Variants in COL4A5 observed in about 807,000 individuals in gnomAD.
COL4A5 encodes collagen type IV alpha 5 chain, also known as collagen alpha-5(IV) chain.
COL4A5 carries 26 observed loss-of-function variants against 130.2 expected under a neutral mutation model. The ratio of observed to expected loss-of-function variants is 0.20; its 90% CI spans 0.15 to 0.28. COL4A5 has a LOEUF of 0.28. Ranked by LOEUF, COL4A5 falls within the 10% of genes least tolerant of loss-of-function variation. COL4A5 has a pLI of 1.00. For missense variants in COL4A5, 1,131 were observed against 1,344.3 expected (o/e 0.84, Z 2.48); for synonymous variants, 496 against 439.6 (o/e 1.13, Z -1.60).
chrX:108,539,319 AG>A lies in COL4A5; in HGVS notation c.82-424del, dbSNP rs1484304888. 8.9e-5 allele frequency among the ~76,000 whole-genome samples: 10 copies of A among 111,959 alleles called. No individual in the cohort carries two copies. The Admixed American group carries it at 9.5e-4, about 11-fold the overall frequency. ...CACTCATGCATTAATGAAGAGGTAA[AG>A]GGTAGTGATAACCCCAAATGGCTGT... is the stretch of plus-strand genomic sequence containing the variant. On this transcript the variant is annotated intron_variant, in intron 1 of 52. Transcript: ENST00000328300.
chrX:108,465,605 C>G (rs762991453), intron 1 of COL4A5, among the ~76,000 whole-genome samples: 5 of 111,644 alleles, frequency 4.5e-5, no homozygotes, highest in African/African-American at 6.5e-5. Context: ...TTTTATGAAG[C>G]GCAGCTTATC....
At chrX:108,539,869 A>AT (rs1351148545) in intron 2 of COL4A5, 64 bp downstream of exon 2, 14 of 939,456 alleles carry the variant, frequency 1.5e-5, no homozygotes, top group Admixed American at 4.4e-5. Flanking sequence ...TTTAATAAAT[A>AT]TTTTTTTAAA....
chrX:108,597,850 A>G (rs888922778), intron 24 of COL4A5, among the ~76,000 whole-genome samples: 5 of 111,494 alleles, frequency 4.5e-5, no homozygotes, highest in African/African-American at 1.3e-4. Context: ...ATGAGACAGT[A>G]TAAGGTTCCC....
intron 1 of COL4A5, among the ~76,000 whole-genome samples, chrX:108,445,601 C>G (rs775398924): frequency 8.1e-5 from 9 of 111,678 alleles, no homozygotes; most frequent in Non-Finnish European, 1.5e-4. Flanking sequence ...CTGATTGTAC[C>G]TTTCTTTGAA....
chrX:108,661,672 T>A (rs769479095), intron 37 of COL4A5, among the ~76,000 whole-genome samples: 81 of 111,559 alleles, frequency 7.3e-4, no homozygotes, highest in African/African-American at 2.5e-3. Flanking sequence ...ATATGGATAG[T>A]ATGGTATAAA....
intron 29 of COL4A5, among the ~76,000 whole-genome samples, chrX:108,611,920 A>G (rs185924170): frequency 9.0e-6 from 1 of 111,576 alleles, no homozygotes; most frequent in East Asian, 2.8e-4. Flanking sequence ...TGGCAAGTCA[A>G]ATCTAGCAAT....
intron 1 of COL4A5, among the ~76,000 whole-genome samples, chrX:108,470,364 A>G (rs2064754520): frequency 8.9e-6 from 1 of 111,970 alleles, no homozygotes; most frequent in Non-Finnish European, 1.9e-5. Flanking sequence ...ATGGTATATC[A>G]TTGTGGTTTT....
At chrX:108,682,854 A>C (rs2068462142) in intron 47 of COL4A5, among the ~76,000 whole-genome samples, 1 of 111,572 alleles carries the variant, frequency 9.0e-6, no homozygotes, top group African/African-American at 3.3e-5. Context: ...TGCCTGTTCA[A>C]ACTGATGATA....
chrX:108,568,730 T>C, intron 5 of COL4A5, 29 bp from the exon 6 acceptor site: 2 of 1,205,880 alleles, frequency 1.7e-6, no homozygotes, highest in Non-Finnish European at 2.2e-6. Flanking sequence ...CTAAGACATA[T>C]TATACATGTG....
rs769511512 is a variant in COL4A5, at chrX:108,687,810, G to A, written c.4528+116G>A. The A allele has an allele frequency of 1.9e-4, 119 of 624,378 alleles. No homozygotes were observed. In the African/African-American group the frequency reaches 2.4e-3, roughly 13 times the overall value. 51.5% of individuals were successfully genotyped at this position (624,378 alleles called of 1,213,427 possible). A position where few individuals can be genotyped will look rare whatever the true frequency, so the allele number is the denominator to read the frequency against. ...CTCTCTCTATTCTTTTGGGGCTTCC[G>A]AATTGAAAACCATGTCAAAGGCAAC... On this transcript the variant is annotated intron_variant, in intron 49 of 52. Coordinates refer to ENST00000328300, the MANE Select transcript of COL4A5 (RefSeq NM_033380.3).
At chrX:108,661,825 C>T (rs745398426) in intron 37 of COL4A5, among the ~76,000 whole-genome samples, 1 of 111,113 alleles carries the variant, frequency 9.0e-6, no homozygotes, top group African/African-American at 3.3e-5. Flanking sequence ...CTTTGTCTTA[C>T]GTGTATCCCT....
At chrX:108,677,841 A>G (rs900481681) in intron 44 of COL4A5, among the ~76,000 whole-genome samples, 10 of 112,207 alleles carry the variant, frequency 8.9e-5, no homozygotes, top group Non-Finnish European at 1.9e-4. Flanking sequence ...TCCTGAAAAG[A>G]TACTTCACCT....
chrX:108,606,788 T>G lies in COL4A5; in HGVS notation c.2291T>G (p.Leu764Arg). 8.3e-7 allele frequency: 1 copy of G among 1,211,351 alleles called. No homozygotes were observed. The highest frequency in any genetic ancestry group is 1.1e-6 in the Non-Finnish European group (1 of 895,064). The change falls in exon 29 of 53, where the codon CTT (leucine) becomes CGT (arginine). Residue 764 changes from leucine (L) to arginine (R), a missense_variant. Physicochemically the swap from Leu to Arg is moderately radical, Grantham distance 102. Transcript: ENST00000328300. ...ALPGPPGPPG[L>R]PGFKGALGPK... ...CCTGGGCCACCTGGGCCACCAGGAC[T>G]TCCAGGTTTCAAAGGAGCACTTGGT...
In COL4A5 at chrX:108,507,725, G is replaced by A. The variant is rs186475946; in HGVS notation, c.82-32021G>A. Among the ~76,000 whole-genome samples, 25 of 111,485 alleles carry A rather than the reference G, an allele frequency of 2.2e-4. No individual in the cohort carries two copies. In the East Asian group the frequency reaches 5.9e-3, roughly 27 times the overall value. ...GGGGAGGCTGAGGCAGGAGAATGGCGTGAACCTGGGAGGTAGAGCTTGCAG... is the reference window on the plus strand; with the variant it reads ...GGGGAGGCTGAGGCAGGAGAATGGCATGAACCTGGGAGGTAGAGCTTGCAG... On this transcript the variant is annotated intron_variant, in intron 1 of 52. Transcript: ENST00000328300.
Position 108,620,253 on chromosome X carries a change from A to T in COL4A5, c.2510-6A>T. ...TACTTATTAATATTGATATTGTATT[A>T]ACTAGGTTTACATGGAATACCAGGA... On this transcript the variant is annotated splice_polypyrimidine_tract_variant and splice_region_variant and intron_variant, in intron 30 of 52. Coordinates refer to ENST00000328300, the MANE Select transcript of COL4A5 (RefSeq NM_033380.3). 8.4e-7 allele frequency: 1 copy of T among 1,194,461 alleles called. No individual in the cohort carries two copies. The highest frequency in any genetic ancestry group is 1.1e-6 in the Non-Finnish European group (1 of 880,734).
chrX:108,568,414 A>G (rs112300643), intron 4 of COL4A5, among the ~76,000 whole-genome samples: 1 of 111,907 alleles, frequency 8.9e-6, no homozygotes, highest in African/African-American at 3.2e-5. Flanking sequence ...GCTCCCTCAA[A>G]TTGAAGTTTC....
chrX:108,513,986 A>G (rs2065201320), intron 1 of COL4A5, among the ~76,000 whole-genome samples: 2 of 112,009 alleles, frequency 1.8e-5, no homozygotes, highest in South Asian at 3.7e-4. Flanking sequence ...GATATCCAGT[A>G]TTCCAGTACC....
intron 46 of COL4A5, among the ~76,000 whole-genome samples, chrX:108,681,548 C>T (rs1276461255): frequency 1.8e-5 from 2 of 111,578 alleles, no homozygotes; most frequent in African/African-American, 6.5e-5. Context: ...AGATGATATG[C>T]TTAATTTTTA....
In COL4A5 at chrX:108,598,839, G is replaced by A; in HGVS notation, c.1917G>A (p.Val639=). The A allele has an allele frequency of 8.3e-7, 1 of 1,211,417 alleles. No individual in the cohort carries two copies. Among genetic ancestry groups the A allele is most frequent in the Non-Finnish European group, 1.1e-6 (1 of 895,368 alleles). The change falls in exon 25 of 53, where the codon GTG becomes GTA. Residue 639 remains valine, a synonymous_variant. Coordinates refer to ENST00000328300, the MANE Select transcript of COL4A5 (RefSeq NM_033380.3). ...GPVGEKGIQG[V]AGNPGQPGIP... ...TAGGTGAAAAAGGCATACAAGGTGTGGCAGGAAATCCAGGCCAGCCAGGAA... is the reference window on the plus strand; with the variant it reads ...TAGGTGAAAAAGGCATACAAGGTGTAGCAGGAAATCCAGGCCAGCCAGGAA...
Sources: gnomAD v4.1 joint callset for allele counts (sites outside exome capture counted in the v4.1 genomes callset) on GRCh38, gnomAD v4.1.1 for gene constraint, MANE v1.5 for transcripts, NCBI Gene and HGNC (gene_info 2026-07-23, HGNC 2026-07-21) for gene names.